The following NPM1 variants were observed in gnomAD, a reference collection of about 807,000 sequenced individuals.
The protein encoded by NPM1 is nucleophosmin.
A neutral mutation model predicts 44.1 loss-of-function variants in NPM1; 1 was observed. The ratio of observed to expected loss-of-function variants is 0.02; its 90% CI spans 0.01 to 0.11. NPM1 has a LOEUF of 0.11. Ranked by LOEUF, NPM1 falls within the 10% of genes least tolerant of loss-of-function variation. The pLI, the probability that NPM1 is intolerant of heterozygous loss-of-function variation, is 1.00. For missense variants in NPM1, 197 were observed against 347.8 expected (o/e 0.57, Z 3.45); for synonymous variants, 126 against 111.8 (o/e 1.13, Z -0.80).
At chr5:171,397,330 G>A (rs1326914201) in intron 6 of NPM1, among the ~76,000 whole-genome samples, 1 of 152,156 alleles carries the variant, frequency 6.6e-6, no homozygotes, top group East Asian at 1.9e-4. Context: ...TGCTATGAAC[G>A]CTTGTAGACA....
At chr5:171,394,917 G>A (rs914016032) in intron 6 of NPM1, among the ~76,000 whole-genome samples, 3 of 152,062 alleles carry the variant, frequency 2.0e-5, no homozygotes, top group African/African-American at 4.8e-5. Flanking sequence ...GGTGGCTCAC[G>A]CCTGTAATCC....
At chr5:171,403,656 TCCCG>T (rs1167375251) in intron 8 of NPM1, among the ~76,000 whole-genome samples, 119 of 126,330 alleles carry the variant, frequency 9.4e-4, no homozygotes, top group African/African-American at 2.9e-3. Context: ...CCCACCTCCC[TCCCG>T]GACGGGGCGG....
At chr5:171,401,060 C>T (rs1771171969) in intron 8 of NPM1, 135 bp downstream of exon 8, 1 of 639,366 alleles carries the variant, frequency 1.6e-6, no homozygotes, top group Non-Finnish European at 2.8e-6. Context: ...AAGTTAAAAT[C>T]AGCTTGCTGC....
upstream of NPM1, chr5:171,387,670 C>T (rs184800850): frequency 3.7e-4 from 179 of 486,974 alleles, 1 homozygote; most frequent in African/African-American, 3.2e-3. Flanking sequence ...CGGTGGGAGC[C>T]CGCGGAGTAC....
rs112750846 is a variant in NPM1, at chr5:171,394,891, T to C, written c.524+1913T>C. Among the ~76,000 whole-genome samples, 560 of 152,054 alleles carry C rather than the reference T, an allele frequency of 3.7e-3. 2 individuals carry two copies. Among genetic ancestry groups the C allele is most frequent in the African/African-American group, 0.011 (447 of 41,488 alleles). ...AGATTTCCTTTTTTAAAAATTGATATAATTAGGCCAGGCATGGTGGCTCAC... is the reference window on the plus strand; with the variant it reads ...AGATTTCCTTTTTTAAAAATTGATACAATTAGGCCAGGCATGGTGGCTCAC... On this transcript the variant is annotated intron_variant, in intron 6 of 10. Coordinates refer to ENST00000296930, the MANE Select transcript of NPM1 (RefSeq NM_002520.7).
rs2113141827 is a variant in NPM1 at position 171,388,026 on chromosome 5, G to A, written c.58+20G>A. ...TTTTCGGTAACTGCTGGGGGGAGCT[G>A]GAGCGAGGCCGAGCGGGGCCTGGTG... is the stretch of plus-strand genomic sequence containing the variant. On this transcript the variant is annotated intron_variant, in intron 1 of 10. Transcript: ENST00000296930. The A allele has an allele frequency of 6.2e-7, 1 of 1,609,086 alleles. No homozygotes were observed. Among genetic ancestry groups the A allele is most frequent in the Non-Finnish European group, 8.5e-7 (1 of 1,176,550 alleles).
rs1171238526 is a variant in NPM1, at chr5:171,403,491, C to T, written c.670-1811C>T. Among the ~76,000 whole-genome samples, 4 of 122,048 alleles carry T rather than the reference C, an allele frequency of 3.3e-5. 1 individual carries two copies. Among genetic ancestry groups the T allele is most frequent in the Admixed American group, 1.6e-4 (2 of 12,294 alleles). The allele number at this position is 122,048 out of a possible 152,430, so 80.1% of individuals were successfully genotyped here. On this transcript the variant is annotated intron_variant, in intron 8 of 10. Transcript: ENST00000296930. Reference sequence around the variant, plus strand: ...TTCTATTCCACAAAGCTGCCATCGTCATCCTGGCCCGTTCTCAATGAGCTG... The same window carrying T: ...TTCTATTCCACAAAGCTGCCATCGTTATCCTGGCCCGTTCTCAATGAGCTG...
At chr5:171,408,533 T>C (rs903217834) in intron 10 of NPM1, among the ~76,000 whole-genome samples, 1 of 152,206 alleles carries the variant, frequency 6.6e-6, no homozygotes, top group Non-Finnish European at 1.5e-5. Flanking sequence ...ATTATTTAAT[T>C]GCACTTCAAT....
At chr5:171,390,477 T>C (rs1407567483) in intron 2 of NPM1, among the ~76,000 whole-genome samples, 2 of 152,262 alleles carry the variant, frequency 1.3e-5, no homozygotes, top group Non-Finnish European at 2.9e-5. Context: ...AGGTGGTCTA[T>C]ATTGTGTGTA....
chr5:171,400,207 G>T lies in NPM1; in HGVS notation c.579G>T (p.Lys193Asn), dbSNP rs761307473. ...DEEAEEKAPV[K>N]KSIRDTPAKN... ...AAGCTGAAGAAAAAGCGCCAGTGAA[G>T]AAAGTGAGTAGATACAATGCTACAA... is the stretch of plus-strand genomic sequence containing the variant. The change falls in exon 7 of 11, where the codon AAG becomes AAT. Residue 193 changes from lysine to asparagine, a missense_variant. Coordinates refer to ENST00000296930, the MANE Select transcript of NPM1 (RefSeq NM_002520.7). 1 of 1,613,620 alleles carries T rather than the reference G, an allele frequency of 6.2e-7. No individual in the cohort carries two copies. Among genetic ancestry groups the T allele is most frequent in the Non-Finnish European group, 8.5e-7 (1 of 1,179,738 alleles).
At chr5:171,399,683 AT>A (rs373293546) in intron 6 of NPM1, among the ~76,000 whole-genome samples, 36 of 150,398 alleles carry the variant, frequency 2.4e-4, no homozygotes, top group Middle Eastern at 3.4e-3. Context: ...TAGGTCTTTA[AT>A]TTTTTTTTTT....
intron 6 of NPM1, among the ~76,000 whole-genome samples, chr5:171,397,802 C>CTTT (rs575241008): frequency 0.011 from 1,447 of 132,300 alleles, 21 homozygotes; most frequent in Non-Finnish European, 0.015. Context: ...GGCAAGAATT[C>CTTT]TTTTTTTTTT....
At chr5:171,405,552 T>C (rs763433068) in intron 9 of NPM1, 149 bp downstream of exon 9, 15 of 641,060 alleles carry the variant, frequency 2.3e-5, no homozygotes, top group African/African-American at 3.7e-5. Flanking sequence ...AAAAATTTCT[T>C]ATAAAACATT....
chr5:171,409,413 A>G (rs1219152227), intron 10 of NPM1, among the ~76,000 whole-genome samples: 2 of 152,112 alleles, frequency 1.3e-5, no homozygotes, highest in African/African-American at 4.8e-5. Context: ...TTAGCTGGGC[A>G]TGGTGGCATG....
rs1256496867 is a variant in NPM1, at chr5:171,403,950, C to T, written c.670-1352C>T. On this transcript the variant is annotated intron_variant, in intron 8 of 10. Transcript: ENST00000296930. Reference sequence around the variant, plus strand: ...CTCCCTCCCGGACGGGGCGGCTGGCCGGGTGGGGGGGCTGACCCCCCCATC... The same window carrying T: ...CTCCCTCCCGGACGGGGCGGCTGGCTGGGTGGGGGGGCTGACCCCCCCATC... 1.7e-4 allele frequency among the ~76,000 whole-genome samples: 13 copies of T among 74,822 alleles called. 3 individuals are homozygous for T. The highest frequency in any genetic ancestry group is 6.9e-4 in the African/African-American group (13 of 18,828). The allele number at this position is 74,822 out of a possible 152,430, so 49.1% of individuals were successfully genotyped here. A position where few individuals can be genotyped will look rare whatever the true frequency, so the allele number is the denominator to read the frequency against.
In NPM1 at chr5:171,407,692, C is replaced by CT. The variant is rs1301141094; in HGVS notation, c.772-6dup. 6.4e-7 allele frequency: 1 copy of CT among 1,558,462 alleles called. No individual in the cohort carries two copies. The highest frequency in any genetic ancestry group is 1.4e-5 in the African/African-American group (1 of 73,722). ...TACTTACCTGTAATAATGCTTTTGT[C>CT]TTAATAGGGTGGTTCTCTTCCCAAA... On this transcript the variant is annotated splice_polypyrimidine_tract_variant and splice_region_variant and intron_variant, in intron 9 of 10. Coordinates refer to ENST00000296930, the MANE Select transcript of NPM1 (RefSeq NM_002520.7).
intron 10 of NPM1, among the ~76,000 whole-genome samples, chr5:171,409,597 G>A (rs1163504473): frequency 2.0e-5 from 3 of 152,176 alleles, no homozygotes; most frequent in Non-Finnish European, 4.4e-5. Flanking sequence ...CAGTTACCTT[G>A]TACCTGAGAA....
At chr5:171,395,407 C>G (rs1189446109) in intron 6 of NPM1, among the ~76,000 whole-genome samples, 2 of 151,802 alleles carry the variant, frequency 1.3e-5, no homozygotes, top group Admixed American at 1.3e-4. Flanking sequence ...TCAAGTGATT[C>G]TCCTGCCTCG....
intron 6 of NPM1, among the ~76,000 whole-genome samples, chr5:171,398,485 T>A (rs752052566): frequency 3.3e-5 from 5 of 152,008 alleles, no homozygotes; most frequent in Non-Finnish European, 7.4e-5. Flanking sequence ...TTTAAAAGAG[T>A]CACTTATGGC....
Sources: gnomAD v4.1 joint callset for allele counts (sites outside exome capture counted in the v4.1 genomes callset) on GRCh38, gnomAD v4.1.1 for gene constraint, MANE v1.5 for transcripts, NCBI Gene and HGNC (gene_info 2026-07-23, HGNC 2026-07-21) for gene names.